Variants in ZDHHC11B observed in about 807,000 individuals in gnomAD.
ZDHHC11B encodes the protein probable palmitoyltransferase ZDHHC11B.
In ZDHHC11B, 17 loss-of-function variants were observed where a neutral mutation model predicts 42.3. The observed-to-expected ratio is 0.40, with a 90% CI of 0.27 to 0.60. The LOEUF (loss-of-function observed/expected upper bound fraction) is 0.60, where lower values mean the gene tolerates loss of function less well. ZDHHC11B is among the 20% of genes least tolerant of loss of function. ZDHHC11B has a pLI of 0.41. For synonymous variants in ZDHHC11B, 123 were observed against 193.5 expected, an observed-to-expected ratio of 0.64 and a Z score of 3.02; for missense variants, 262 against 463.2, an observed-to-expected ratio of 0.57 and a Z score of 3.99.
chr5:774,090 G>T (rs1433276871), intron 1 of ZDHHC11B, among the ~76,000 whole-genome samples: 4 of 151,884 alleles, frequency 2.6e-5, no homozygotes, highest in Non-Finnish European at 4.4e-5. Flanking sequence ...GGCCACCTAG[G>T]CGGGGCTTCG....
chr5:717,642 G>A (rs1228580405), intron 12 of ZDHHC11B, among the ~76,000 whole-genome samples: 2 of 151,812 alleles, frequency 1.3e-5, no homozygotes, highest in East Asian at 1.9e-4. Context: ...CCATAAATGA[G>A]TAAGGACAGG....
intron 12 of ZDHHC11B, among the ~76,000 whole-genome samples, chr5:720,412 G>A (rs1217950665): frequency 6.6e-6 from 1 of 151,754 alleles, no homozygotes. Context: ...GCAACCAAGA[G>A]TTCTATATGG....
chr5:761,386 G>T (rs1198794175), intron 4 of ZDHHC11B, among the ~76,000 whole-genome samples: 1 of 151,866 alleles, frequency 6.6e-6, no homozygotes, highest in African/African-American at 2.4e-5. Context: ...CTGGAGGTGG[G>T]GGAGGCCATC....
chr5:748,110 C>G lies in ZDHHC11B; in HGVS notation c.784+294G>C. On this transcript the variant is annotated intron_variant, in intron 8 of 13. Transcript: ENST00000508859. ...TTCCATTTTCTCTGAACATTTTAAA[C>G]TTGTTACTTCAAGCACCCGGCAGCG... is the stretch of plus-strand genomic sequence containing the variant. The G allele has an allele frequency of 7.5e-6, 4 of 529,814 alleles. 1 individual carries two copies. Among genetic ancestry groups the G allele is most frequent in the Middle Eastern group, 2.9e-4 (1 of 3,474 alleles). The allele number at this position is 529,814 out of a possible 1,614,324, so 32.8% of individuals were successfully genotyped here.
chr5:766,539 T>G (rs565915830), intron 4 of ZDHHC11B, among the ~76,000 whole-genome samples, 159 bp downstream of exon 4: 3 of 151,974 alleles, frequency 2.0e-5, no homozygotes, highest in Non-Finnish European at 4.4e-5. Context: ...AGAGCACGAA[T>G]GGCCACTGGG....
At position 760,319 on chromosome 5, in the gene ZDHHC11B, C is replaced by T. The variant is rs550052640; in HGVS notation, c.223-4175G>A. On this transcript the variant is annotated intron_variant, in intron 4 of 13. Coordinates refer to ENST00000508859, the MANE Select transcript of ZDHHC11B (RefSeq NM_001351303.2). ...TAATCCTGTCAGGGCAAGGTCTTTT[C>T]GGGTAGGCCCTACTCCAATGACTGG... Among the ~76,000 whole-genome samples the T allele has an allele frequency of 2.0e-4, 30 of 151,866 alleles. 1 individual carries two copies. Among genetic ancestry groups the T allele is most frequent in the East Asian group, 7.7e-4 (4 of 5,176 alleles).
intron 12 of ZDHHC11B, among the ~76,000 whole-genome samples, chr5:727,811 T>C (rs1403043618): frequency 1.3e-5 from 2 of 150,120 alleles, no homozygotes; most frequent in Non-Finnish European, 3.0e-5. Flanking sequence ...AATCAAAATA[T>C]AAGGAAAGTC....
At chr5:739,910 T>A (rs1268521384) in intron 10 of ZDHHC11B, among the ~76,000 whole-genome samples, 2 of 150,958 alleles carry the variant, frequency 1.3e-5, no homozygotes. Context: ...ATATTTGTGA[T>A]CTGTATATAT....
chr5:774,450 G>A (rs1736299545), intron 1 of ZDHHC11B, among the ~76,000 whole-genome samples: 1 of 151,658 alleles, frequency 6.6e-6, no homozygotes, highest in Admixed American at 6.6e-5. Context: ...ACTAGGACCA[G>A]GGGCCTGTCA....
chr5:749,580 T>A lies in ZDHHC11B; in HGVS notation c.629-1021A>T, dbSNP rs2335613. ...AGTTCAGCCCATGAGAACAAGGAGC[T>A]GCTTTGCTCAGGGCCTTGCTGGTTT... On this transcript the variant is annotated intron_variant, in intron 7 of 13. Coordinates refer to ENST00000508859, the MANE Select transcript of ZDHHC11B (RefSeq NM_001351303.2). 5.6e-3 allele frequency among the ~76,000 whole-genome samples: 719 copies of A among 128,398 alleles called. 13 individuals carry two copies. The highest frequency in any genetic ancestry group is 0.017 in the African/African-American group (650 of 38,038). 84.2% of individuals were successfully genotyped at this position (128,398 alleles called of 152,430 possible).
chr5:715,204 T>C (rs1452755111), intron 13 of ZDHHC11B, among the ~76,000 whole-genome samples: 12 of 150,922 alleles, frequency 8.0e-5, no homozygotes, highest in Non-Finnish European at 1.3e-4. Context: ...TTAGTCACTG[T>C]TGCTCACGGA....
intron 1 of ZDHHC11B, among the ~76,000 whole-genome samples, chr5:780,762 GCTT>G (rs1179216374): frequency 1.3e-5 from 2 of 151,660 alleles, no homozygotes; most frequent in Non-Finnish European, 2.9e-5. Context: ...GCTGAGATGA[GCTT>G]CACCCCAGTG....
intron 13 of ZDHHC11B, among the ~76,000 whole-genome samples, chr5:715,988 C>T (rs1741721619): frequency 6.6e-6 from 1 of 150,624 alleles, no homozygotes; most frequent in Admixed American, 6.6e-5. Context: ...TGCCCTATAC[C>T]CTTTTCCTGT....
At chr5:769,810 G>A (rs995273937) in intron 1 of ZDHHC11B, among the ~76,000 whole-genome samples, 1 of 151,946 alleles carries the variant, frequency 6.6e-6, no homozygotes, top group African/African-American at 2.4e-5. Flanking sequence ...GGGTGGGCCA[G>A]CACTCTGGTC....
At position 745,307 on chromosome 5, in the gene ZDHHC11B, G is replaced by A; in HGVS notation, c.785-9C>T. Reference sequence around the variant, plus strand: ...GGTCATCTTCTTGGCCTCTGGAAAGGGAAAAGGAGGAACAGGACAAGTTAC... The same window carrying A: ...GGTCATCTTCTTGGCCTCTGGAAAGAGAAAAGGAGGAACAGGACAAGTTAC... On this transcript the variant is annotated splice_polypyrimidine_tract_variant and intron_variant, in intron 8 of 13. Transcript: ENST00000508859. The A allele has an allele frequency of 6.3e-7, 1 of 1,596,238 alleles. No individual in the cohort carries two copies. Among genetic ancestry groups the A allele is most frequent in the Non-Finnish European group, 8.6e-7 (1 of 1,168,072 alleles).
At position 735,814 on chromosome 5, in the gene ZDHHC11B, G is replaced by C. The variant is rs1269958352; in HGVS notation, c.936-1975C>G. Among the ~76,000 whole-genome samples, 4 of 149,694 alleles carry C rather than the reference G, an allele frequency of 2.7e-5. No homozygotes were observed. In the Admixed American group the frequency reaches 2.7e-4, roughly 10 times the overall value. On this transcript the variant is annotated intron_variant, in intron 10 of 13. Coordinates refer to ENST00000508859, the MANE Select transcript of ZDHHC11B (RefSeq NM_001351303.2). ...TCAGTCCTACAAGAAATACTAAAAG[G>C]AGTTCCAAATCTTAAAACAAAACCT...
intron 1 of ZDHHC11B, among the ~76,000 whole-genome samples, chr5:776,524 G>A (rs1352046559): frequency 4.0e-5 from 6 of 151,850 alleles, no homozygotes; most frequent in Non-Finnish European, 7.4e-5. Flanking sequence ...CTGGGCCCAC[G>A]CAGTGTGCTC....
In ZDHHC11B at chr5:732,695, T is replaced by C. The variant is rs576093994; in HGVS notation, c.1023+1057A>G. On this transcript the variant is annotated intron_variant, in intron 11 of 13. Coordinates refer to ENST00000508859, the MANE Select transcript of ZDHHC11B (RefSeq NM_001351303.2). ...CCCACAGGGAAGGACAAGTCACCTG[T>C]AACCTCCAGAAACTGGCCCCCTCAC... The C allele has an allele frequency of 3.0e-5, 13 of 440,252 alleles. 1 individual carries two copies. Among genetic ancestry groups the C allele is most frequent in the African/African-American group, 2.6e-4 (13 of 49,322 alleles). 27.3% of individuals were successfully genotyped at this position (440,252 alleles called of 1,614,324 possible). A position where few individuals can be genotyped will look rare whatever the true frequency, so the allele number is the denominator to read the frequency against.
chr5:733,233 C>A (rs1473038006), intron 11 of ZDHHC11B, among the ~76,000 whole-genome samples: 1 of 150,058 alleles, frequency 6.7e-6, no homozygotes, highest in Non-Finnish European at 1.5e-5. Context: ...ACACACTACA[C>A]ACAAAACCAC....
Sources: gnomAD v4.1 joint callset for allele counts (sites outside exome capture counted in the v4.1 genomes callset) on GRCh38, gnomAD v4.1.1 for gene constraint, MANE v1.5 for transcripts, NCBI Gene and HGNC (gene_info 2026-07-23, HGNC 2026-07-21) for gene names.